Variants in CAV1 observed in about 807,000 individuals in gnomAD.
CAV1 encodes caveolin 1.
Under a neutral mutation model 16.5 loss-of-function variants are expected in CAV1, and 10 were observed. The observed-to-expected ratio is 0.61, with a 90% CI of 0.37 to 1.03. The LOEUF (loss-of-function observed/expected upper bound fraction) is 1.03, where lower values mean the gene tolerates loss of function less well. Among genes scored for constraint, CAV1 ranks in the 50% least tolerant of loss-of-function variants. The pLI is 0.01. For missense variants in CAV1, 212 were observed against 232.8 expected (o/e 0.91, Z 0.58); for synonymous variants, 76 against 85.1 (o/e 0.89, Z 0.59).
At chr7:116,528,693 T>C (rs947506965) in intron 2 of CAV1, among the ~76,000 whole-genome samples, 3 of 152,190 alleles carry the variant, frequency 2.0e-5, no homozygotes, top group Non-Finnish European at 2.9e-5. Flanking sequence ...TTTATAAATA[T>C]GTATCCTCAA....
At chr7:116,548,678 A>G (rs1378911127) in intron 2 of CAV1, among the ~76,000 whole-genome samples, 2 of 152,106 alleles carry the variant, frequency 1.3e-5, no homozygotes, top group Non-Finnish European at 2.9e-5. Context: ...GGTTAAAGAG[A>G]ATGGTGTGGT....
chr7:116,530,208 C>CTCTTTTTTTTTTTT (rs370865342), intron 2 of CAV1, among the ~76,000 whole-genome samples: 2 of 125,360 alleles, frequency 1.6e-5, no homozygotes, highest in African/African-American at 3.2e-5. Flanking sequence ...GTCCTTTTTC[C>CTCTTTTTTTTTTTT]TTTTTTTTTT....
At chr7:116,547,438 T>G (rs1335974935) in intron 2 of CAV1, among the ~76,000 whole-genome samples, 14 of 152,144 alleles carry the variant, frequency 9.2e-5, no homozygotes, top group Admixed American at 4.6e-4. Flanking sequence ...AAGGAATTAA[T>G]CCAAAGCAAA....
At position 116,534,396 on chromosome 7, in the gene CAV1, T is replaced by TATATATATATA. The variant is rs1491486855; in HGVS notation, c.195+7707_195+7708insATATATATATA. Among the ~76,000 whole-genome samples, 62 of 7,152 alleles carry TATATATATATA rather than the reference T, an allele frequency of 8.7e-3. 2 individuals are homozygous for TATATATATATA. Among genetic ancestry groups the TATATATATATA allele is most frequent in the Non-Finnish European group, 0.011 (43 of 3,928 alleles). 4.7% of individuals were successfully genotyped at this position (7,152 alleles called of 152,430 possible). On this transcript the variant is annotated intron_variant, in intron 2 of 2. Coordinates refer to ENST00000341049, the MANE Select transcript of CAV1 (RefSeq NM_001753.5). ...ATATATATATATATATATATATATA[T>TATATATATATA]TTTTTTTTTTTTTTTTTTTTTGAGA...
At chr7:116,526,820 A>C in intron 2 of CAV1, 131 bp downstream of exon 2, 4 of 1,055,242 alleles carry the variant, frequency 3.8e-6, no homozygotes, top group Non-Finnish European at 5.6e-6. Context: ...ACACACACAC[A>C]CAGAGTTTTG....
At position 116,561,020 on chromosome 7, in the gene CAV1, A is replaced by C. The variant is rs1454837776; in HGVS notation, c.*1733A>C. On this transcript the variant is annotated 3_prime_UTR_variant, in exon 3 of 3. Transcript: ENST00000341049. The stretch of plus-strand genomic sequence containing the variant: ...ATCTGTAAACTGTGTATTCCAAGAC[A>C]TGTCTGTTCTACATAGATGCTTAGT... The C allele has an allele frequency of 6.6e-6, 1 of 152,620 alleles. No individual in the cohort carries two copies. The highest frequency in any genetic ancestry group is 1.5e-5 in the Non-Finnish European group (1 of 68,046). The allele number at this position is 152,620 out of a possible 1,614,324, so 9.5% of individuals were successfully genotyped here.
chr7:116,548,850 G>T (rs2116054426), intron 2 of CAV1, among the ~76,000 whole-genome samples: 1 of 152,260 alleles, frequency 6.6e-6, no homozygotes, highest in African/African-American at 2.4e-5. Flanking sequence ...AATCCACTGA[G>T]GCATATAGCA....
chr7:116,550,240 A>G lies in CAV1; in HGVS notation c.196-8706A>G, dbSNP rs533252884. On this transcript the variant is annotated intron_variant, in intron 2 of 2. Transcript: ENST00000341049. ...CTCACAAAGGTAGATAAATACCCAC[A>G]TTTTTGCCCTCTTCCATCTTGAAAC... 2.6e-5 allele frequency among the ~76,000 whole-genome samples: 4 copies of G among 151,962 alleles called. No homozygotes were observed. In the East Asian group the frequency reaches 5.8e-4, roughly 22 times the overall value.
At chr7:116,553,418 T>C (rs946974754) in intron 2 of CAV1, among the ~76,000 whole-genome samples, 1 of 152,110 alleles carries the variant, frequency 6.6e-6, no homozygotes, top group African/African-American at 2.4e-5. Context: ...AATCTAGTAA[T>C]GTAAACTGTT....
At chr7:116,544,180 T>C (rs1316628298) in intron 2 of CAV1, among the ~76,000 whole-genome samples, 1 of 152,242 alleles carries the variant, frequency 6.6e-6, no homozygotes, top group Non-Finnish European at 1.5e-5. Flanking sequence ...TCTTCCATTT[T>C]GTTCACCTTT....
intron 2 of CAV1, among the ~76,000 whole-genome samples, chr7:116,549,298 A>G (rs1794112503): frequency 6.6e-6 from 1 of 152,166 alleles, no homozygotes; most frequent in Non-Finnish European, 1.5e-5. Context: ...GGCCAGGTCT[A>G]CACAACTGCA....
chr7:116,558,918 C>G (rs1326459104), intron 2 of CAV1, 28 bp from the exon 3 acceptor site: 1 of 1,516,334 alleles, frequency 6.6e-7, no homozygotes, highest in South Asian at 1.1e-5. Flanking sequence ...CTATTCTGTG[C>G]TCATGTTGTG....
intron 2 of CAV1, among the ~76,000 whole-genome samples, chr7:116,540,654 C>A (rs1793916617): frequency 6.6e-6 from 1 of 152,074 alleles, no homozygotes. Flanking sequence ...ACACCAATTG[C>A]AATGATCTTG....
At position 116,555,518 on chromosome 7, in the gene CAV1, A is replaced by AAGAAAGAGAGAG. The variant is rs1554357869; in HGVS notation, c.196-3425_196-3424insAAGAGAGAGAGA. Among the ~76,000 whole-genome samples the AAGAAAGAGAGAG allele has an allele frequency of 1.5e-3, 21 of 14,054 alleles. 5 individuals carry two copies. Among genetic ancestry groups the AAGAAAGAGAGAG allele is most frequent in the African/African-American group, 4.5e-3 (19 of 4,178 alleles). The allele number at this position is 14,054 out of a possible 152,430, so 9.2% of individuals were successfully genotyped here. Reference sequence around the variant, plus strand: ...AAAGAAAGAAAGAAAGAAAGAAAGAAAGAGAGAGAGAGAGAGAGAGAGAGA... The same window carrying AAGAAAGAGAGAG: ...AAAGAAAGAAAGAAAGAAAGAAAGAAAGAAAGAGAGAGAGAGAGAGAGAGAGAGAGAGAGAGA... On this transcript the variant is annotated intron_variant, in intron 2 of 2. Transcript: ENST00000341049.
At chr7:116,537,210 T>G (rs1415755087) in intron 2 of CAV1, among the ~76,000 whole-genome samples, 3 of 152,182 alleles carry the variant, frequency 2.0e-5, no homozygotes, top group Non-Finnish European at 4.4e-5. Flanking sequence ...ACATATGTGC[T>G]TAATATTCTG....
intron 2 of CAV1, among the ~76,000 whole-genome samples, chr7:116,537,767 C>A (rs1037050394): frequency 6.6e-6 from 1 of 152,148 alleles, no homozygotes; most frequent in Non-Finnish European, 1.5e-5. Context: ...GACCCTAGAT[C>A]TTGGCAAGTG....
chr7:116,550,286 C>A (rs1333517327), intron 2 of CAV1, among the ~76,000 whole-genome samples: 1 of 152,142 alleles, frequency 6.6e-6, no homozygotes, highest in Non-Finnish European at 1.5e-5. Flanking sequence ...CTTGCTTCCG[C>A]CAGGGGAGGT....
intron 2 of CAV1, among the ~76,000 whole-genome samples, chr7:116,546,697 C>CAAAAAAAAAAAAAA (rs5886830): frequency 2.1e-4 from 19 of 88,378 alleles, no homozygotes; most frequent in African/African-American, 7.6e-4. Context: ...GACTCTGTCA[C>CAAAAAAAAAAAAAA]AAAAAAAAAA....
At chr7:116,554,061 C>T (rs1193602576) in intron 2 of CAV1, among the ~76,000 whole-genome samples, 1 of 152,194 alleles carries the variant, frequency 6.6e-6, no homozygotes, top group Non-Finnish European at 1.5e-5. Flanking sequence ...AGTCATCTGA[C>T]AGCTTTGGTC....
Sources: gnomAD v4.1 joint callset for allele counts (sites outside exome capture counted in the v4.1 genomes callset) on GRCh38, gnomAD v4.1.1 for gene constraint, MANE v1.5 for transcripts, NCBI Gene and HGNC (gene_info 2026-07-23, HGNC 2026-07-21) for gene names.